The following IQCM variants were observed in gnomAD, a reference collection of about 807,000 sequenced individuals.
IQCM encodes IQ domain-containing protein M.
In IQCM, 45 loss-of-function variants were observed where a neutral mutation model predicts 57.6. The observed-to-expected ratio is 0.78, with a 90% confidence interval of 0.62 to 1.00. The LOEUF (loss-of-function observed/expected upper bound fraction) is 1.00, where lower values mean the gene tolerates loss of function less well. IQCM is among the 50% of genes least tolerant of loss of function. The pLI, the probability that IQCM is intolerant of heterozygous loss-of-function variation, is 0.00. For missense variants in IQCM, 468 were observed against 511.6 expected (o/e 0.91, Z 0.82); for synonymous variants, 148 against 158.9 (o/e 0.93, Z 0.51).
Position 149,363,586 on chromosome 4 carries a change from T to C in IQCM, c.1391-11520A>G, listed in dbSNP as rs539173590. ...ACATTTGCTTTCCAACCCTCACTGC[T>C]CCTAGCTCCTGAGTCTATCATCCAG... On this transcript the variant is annotated intron_variant, in intron 13 of 13. Coordinates refer to ENST00000636793, the MANE Select transcript of IQCM (RefSeq NM_001363507.2). Among the ~76,000 whole-genome samples, 277 of 152,254 alleles carry C rather than the reference T, an allele frequency of 1.8e-3. 2 individuals carry two copies. Among genetic ancestry groups the C allele is most frequent in the African/African-American group, 6.4e-3 (264 of 41,570 alleles).
chr4:149,619,855 G>A (rs1172853856), intron 8 of IQCM, among the ~76,000 whole-genome samples: 3 of 152,020 alleles, frequency 2.0e-5, no homozygotes, highest in Non-Finnish European at 4.4e-5. Flanking sequence ...GGATGCATTA[G>A]TACAGAAGAA....
chr4:149,448,281 A>G lies in IQCM; in HGVS notation c.1229-14724T>C, dbSNP rs536454410. 9.2e-5 allele frequency among the ~76,000 whole-genome samples: 14 copies of G among 151,786 alleles called. No individual in the cohort carries two copies. In the East Asian group the frequency reaches 2.7e-3, roughly 29 times the overall value. ...ACATTTCTAAATAACTCTTGGCTCA[A>G]AGGGAAATTAGAAAATATTTTGAAC... On this transcript the variant is annotated intron_variant, in intron 12 of 13. Coordinates refer to ENST00000636793, the MANE Select transcript of IQCM (RefSeq NM_001363507.2).
chr4:149,536,472 ATCTAG>A (rs1747308029), intron 12 of IQCM, among the ~76,000 whole-genome samples: 1 of 151,896 alleles, frequency 6.6e-6, no homozygotes, highest in East Asian at 1.9e-4. Flanking sequence ...TTATTTTCTT[ATCTAG>A]TTAACTCATC....
chr4:149,464,065 G>A (rs1180579465), intron 12 of IQCM, among the ~76,000 whole-genome samples: 2 of 152,116 alleles, frequency 1.3e-5, no homozygotes, highest in Non-Finnish European at 2.9e-5. Flanking sequence ...AGGTACACAG[G>A]TAGAATTATA....
At chr4:149,370,591 A>C (rs1222361141) in intron 13 of IQCM, among the ~76,000 whole-genome samples, 3 of 145,062 alleles carry the variant, frequency 2.1e-5, no homozygotes, top group Admixed American at 6.9e-5. Context: ...ACACACACAC[A>C]CCCTTATATG....
At chr4:149,698,938 T>C (rs1224266339) in intron 5 of IQCM, among the ~76,000 whole-genome samples, 3 of 152,046 alleles carry the variant, frequency 2.0e-5, no homozygotes, top group African/African-American at 7.2e-5. Context: ...GTGTAAATGA[T>C]ACATGCAAAG....
At chr4:149,709,099 T>C (rs905256125) in intron 5 of IQCM, among the ~76,000 whole-genome samples, 13 of 152,106 alleles carry the variant, frequency 8.5e-5, no homozygotes, top group African/African-American at 3.1e-4. Flanking sequence ...CATAGCAGTT[T>C]ATTAAGTAGT....
At chr4:149,581,824 C>T (rs1209688730) in intron 9 of IQCM, among the ~76,000 whole-genome samples, 1 of 151,556 alleles carries the variant, frequency 6.6e-6, no homozygotes, top group Non-Finnish European at 1.5e-5. Flanking sequence ...GAGAATTGCA[C>T]TTTCCCATTC....
At chr4:149,660,212 C>G (rs1760047987) in intron 7 of IQCM, among the ~76,000 whole-genome samples, 1 of 151,534 alleles carries the variant, frequency 6.6e-6, no homozygotes, top group African/African-American at 2.4e-5. Flanking sequence ...ATTTATGCAG[C>G]CAAAAAACAC....
At chr4:149,600,524 A>G (rs1286876140) in intron 8 of IQCM, among the ~76,000 whole-genome samples, 1 of 152,100 alleles carries the variant, frequency 6.6e-6, no homozygotes, top group African/African-American at 2.4e-5. Context: ...TTAATTACTT[A>G]GCCATCAGCA....
Position 149,747,161 on chromosome 4 carries a change from T to C in IQCM, c.-48-4422A>G, listed in dbSNP as rs916491198. ...CATCAGATCTGCTAGCACCAAACAA[T>C]AGGAATAAGAAAAGAGAAAGGAGAG... On this transcript the variant is annotated intron_variant, in intron 2 of 13. Coordinates refer to ENST00000636793, the MANE Select transcript of IQCM (RefSeq NM_001363507.2). 6.7e-5 allele frequency among the ~76,000 whole-genome samples: 10 copies of C among 148,804 alleles called. No individual in the cohort carries two copies. In the South Asian group the frequency reaches 1.7e-3, roughly 25 times the overall value.
intron 8 of IQCM, among the ~76,000 whole-genome samples, chr4:149,614,240 C>T (rs917293966): frequency 1.3e-5 from 2 of 152,022 alleles, no homozygotes; most frequent in African/African-American, 2.4e-5. Context: ...TCTATTTGCT[C>T]GTAATCCTGT....
In IQCM at chr4:149,386,733, A is replaced by T. The variant is rs76341486; in HGVS notation, c.1391-34667T>A. ...CTATTCCTTTGTCAGGTTTTTTTTT[A>T]AAATTTCATCCCATTGACTTCAAGA... is the stretch of plus-strand genomic sequence containing the variant. On this transcript the variant is annotated intron_variant, in intron 13 of 13. Transcript: ENST00000636793. Among the ~76,000 whole-genome samples, 311 of 151,904 alleles carry T rather than the reference A, an allele frequency of 2.0e-3. 2 individuals carry two copies. The East Asian group carries it at 0.035, about 17-fold the overall frequency.
At chr4:149,717,841 A>G (rs924171289) in intron 5 of IQCM, among the ~76,000 whole-genome samples, 10 of 152,240 alleles carry the variant, frequency 6.6e-5, no homozygotes, top group South Asian at 2.1e-4. Flanking sequence ...GTGCCACTCA[A>G]TAAAAGACTT....
At chr4:149,792,690 C>T (rs1364841101) in intron 2 of IQCM, among the ~76,000 whole-genome samples, 1 of 152,114 alleles carries the variant, frequency 6.6e-6, no homozygotes, top group African/African-American at 2.4e-5. Flanking sequence ...TAGTATTCGA[C>T]GTGTTTATAA....
intron 9 of IQCM, among the ~76,000 whole-genome samples, chr4:149,571,830 A>G (rs1019938365): frequency 3.9e-5 from 6 of 152,128 alleles, no homozygotes; most frequent in African/African-American, 1.4e-4. Flanking sequence ...CACAGTCACA[A>G]CCATGCTTTA....
At chr4:149,586,659 T>C (rs1752673448) in intron 9 of IQCM, among the ~76,000 whole-genome samples, 2 of 151,694 alleles carry the variant, frequency 1.3e-5, no homozygotes, top group Admixed American at 6.6e-5. Flanking sequence ...ATAATGTATA[T>C]TCTACATTAT....
In IQCM at chr4:149,433,774, C is replaced by G. The variant is rs1219759981; in HGVS notation, c.1229-217G>C. On this transcript the variant is annotated intron_variant, in intron 12 of 13. Coordinates refer to ENST00000636793, the MANE Select transcript of IQCM (RefSeq NM_001363507.2). ...AGGGCTTTACTAATACCGTCTTAAA[C>G]CACTATCAGCTTGAAGCAGTATTGT... Among the ~76,000 whole-genome samples, 5 of 151,760 alleles carry G rather than the reference C, an allele frequency of 3.3e-5. No homozygotes were observed. The East Asian group carries it at 9.7e-4, about 29-fold the overall frequency.
chr4:149,387,535 G>T (rs1237386285), intron 13 of IQCM, among the ~76,000 whole-genome samples: 2 of 151,918 alleles, frequency 1.3e-5, no homozygotes, highest in African/African-American at 4.8e-5. Context: ...ATATTTATTT[G>T]CTGGAATTTC....
Sources: allele counts gnomAD v4.1 joint callset (sites outside exome capture counted in the v4.1 genomes callset), GRCh38; gene constraint gnomAD v4.1.1; transcripts MANE v1.5; gene names NCBI Gene and HGNC (gene_info 2026-07-23, HGNC 2026-07-21).